TTLL5: variants seen among roughly 807,000 people sequenced by gnomAD.
TTLL5 encodes the protein tubulin tyrosine ligase like 5.
In TTLL5, 132 loss-of-function variants were observed where a neutral mutation model predicts 168.4. The ratio of observed to expected loss-of-function variants is 0.78; its 90% confidence interval spans 0.68 to 0.91. TTLL5 has a LOEUF of 0.91. TTLL5 is among the 40% of genes least tolerant of loss of function. The probability of loss-of-function intolerance (pLI) is 0.00; values close to 1 mark genes in which losing one functional copy is unlikely to be tolerated. For synonymous variants in TTLL5, 546 were observed against 558.6 expected, an observed-to-expected ratio of 0.98 and a Z score of 0.32; for missense variants, 1,545 against 1,581.5, an observed-to-expected ratio of 0.98 and a Z score of 0.39.
At chr14:75,753,096 C>A in intron 18 of TTLL5, 141 bp downstream of exon 18, 2 of 690,220 alleles carry the variant, frequency 2.9e-6, no homozygotes, top group Non-Finnish European at 4.7e-6. Context: ...AGCATGCTAT[C>A]ATGACTCATT....
At chr14:75,936,014 A>C (rs2034424162) in intron 31 of TTLL5, among the ~76,000 whole-genome samples, 1 of 152,224 alleles carries the variant, frequency 6.6e-6, no homozygotes, top group Non-Finnish European at 1.5e-5. Context: ...TTCATGCTCT[A>C]TTCTCTTAAA....
intron 29 of TTLL5, 91 bp from the exon 30 acceptor site, chr14:75,882,594 G>T: frequency 1.3e-5 from 14 of 1,115,352 alleles, no homozygotes; most frequent in South Asian, 1.7e-5. Context: ...TTTTCTTTTT[G>T]CCCCTTGACA....
At chr14:75,662,303 A>G (rs1890784115) in intron 1 of TTLL5, among the ~76,000 whole-genome samples, 1 of 151,662 alleles carries the variant, frequency 6.6e-6, no homozygotes, top group African/African-American at 2.4e-5. Context: ...TAGAGTCTAA[A>G]TAAATGTTGG....
chr14:75,705,741 G>A (rs1886606985), intron 7 of TTLL5, among the ~76,000 whole-genome samples: 1 of 152,186 alleles, frequency 6.6e-6, no homozygotes, highest in Non-Finnish European at 1.5e-5. Context: ...TATTTCTGTT[G>A]CCTTTACTGT....
intron 31 of TTLL5, among the ~76,000 whole-genome samples, chr14:75,936,270 T>G (rs1374756822): frequency 1.3e-5 from 2 of 152,238 alleles, no homozygotes; most frequent in Admixed American, 6.5e-5. Context: ...GTTCCAAGAT[T>G]AATTTTCTAC....
intron 17 of TTLL5, among the ~76,000 whole-genome samples, chr14:75,746,543 T>A (rs1432615445): frequency 1.4e-5 from 2 of 142,060 alleles, no homozygotes; most frequent in Admixed American, 7.7e-5. Flanking sequence ...ATAACTGATT[T>A]CCTCTTTTCT....
intron 15 of TTLL5, among the ~76,000 whole-genome samples, chr14:75,735,899 C>A (rs1169005010): frequency 6.6e-6 from 1 of 152,146 alleles, no homozygotes. Context: ...TTGTCAGTCC[C>A]TGTCTGTTTT....
chr14:75,944,125 T>C (rs1330656826), intron 31 of TTLL5, among the ~76,000 whole-genome samples: 4 of 152,218 alleles, frequency 2.6e-5, no homozygotes, highest in African/African-American at 9.6e-5. Context: ...TTCTGCCTTA[T>C]GCCCCTCAGT....
At chr14:75,889,086 C>T (rs1253576446) in intron 30 of TTLL5, among the ~76,000 whole-genome samples, 2 of 152,060 alleles carry the variant, frequency 1.3e-5, no homozygotes, top group Non-Finnish European at 2.9e-5. Context: ...GAGAACTAGA[C>T]AAAGCTATCA....
intron 7 of TTLL5, among the ~76,000 whole-genome samples, chr14:75,700,847 G>A (rs1244486709): frequency 6.6e-6 from 1 of 152,108 alleles, no homozygotes; most frequent in Non-Finnish European, 1.5e-5. Context: ...TGCTGCCGCT[G>A]ACAGACTTTG....
intron 9 of TTLL5, among the ~76,000 whole-genome samples, chr14:75,716,011 C>G (rs1478436601): frequency 6.6e-6 from 1 of 152,056 alleles, no homozygotes; most frequent in Admixed American, 6.6e-5. Flanking sequence ...ATTCATTGTT[C>G]TTTGAGGGGA....
Position 75,775,575 on chromosome 14 carries a change from A to G in TTLL5, c.2228A>G (p.Glu743Gly). ...VLPSRRLALL[E>G]RRRILAHQLG... ...CCCAGTCGACGATTGGCACTTCTGG[A>G]ACGCAGAAGAATCCTGGCCCACCAG... The change falls in exon 22 of 32, where the codon GAA becomes GGA. Residue 743 changes from glutamate (E) to glycine (G), a missense_variant. Physicochemically the swap from Glu to Gly is moderately conservative, Grantham distance 98. Coordinates refer to ENST00000298832, the MANE Select transcript of TTLL5 (RefSeq NM_015072.5). The G allele has an allele frequency of 6.2e-7, 1 of 1,614,118 alleles. No individual in the cohort carries two copies. The highest frequency in any genetic ancestry group is 2.2e-5 in the East Asian group (1 of 44,874).
intron 5 of TTLL5, among the ~76,000 whole-genome samples, chr14:75,686,339 A>G (rs1885048529): frequency 1.3e-5 from 2 of 152,152 alleles, no homozygotes; most frequent in South Asian, 2.1e-4. Flanking sequence ...TGCCTCTTCT[A>G]TATCCATCTC....
intron 28 of TTLL5, among the ~76,000 whole-genome samples, chr14:75,829,365 T>C (rs892512268): frequency 1.3e-5 from 2 of 152,130 alleles, no homozygotes; most frequent in African/African-American, 4.8e-5. Context: ...TAAACAGTAA[T>C]TAACACATAT....
chr14:75,923,120 AG>A (rs527358202), intron 31 of TTLL5, among the ~76,000 whole-genome samples: 68 of 152,274 alleles, frequency 4.5e-4, no homozygotes, highest in African/African-American at 1.6e-3. Flanking sequence ...TAGTCTTGCT[AG>A]CAGTCTGTCA....
rs764282509 is a variant in TTLL5 at position 75,690,282 on chromosome 14, C to G, written c.462C>G (p.Pro154=). 1 of 1,610,802 alleles carries G rather than the reference C, an allele frequency of 6.2e-7. No homozygotes were observed. The highest frequency in any genetic ancestry group is 1.1e-5 in the South Asian group (1 of 90,294). The change falls in exon 6 of 32, where the codon CCC becomes CCG. Residue 154 remains proline (P), a synonymous_variant. Coordinates refer to ENST00000298832, the MANE Select transcript of TTLL5 (RefSeq NM_015072.5). ...GATTCAAGGCTTTTCACATCCTCCC[C>G]CAGACCTTCCTCCTGCCAGCTGAGT... ...THGFKAFHIL[P]QTFLLPAEYA... is the part of the protein sequence containing the mutation.
At chr14:75,777,333 G>T (rs974976494) in intron 23 of TTLL5, among the ~76,000 whole-genome samples, 1 of 152,152 alleles carries the variant, frequency 6.6e-6, no homozygotes, top group Non-Finnish European at 1.5e-5. Context: ...ACCTACTCAT[G>T]GAGTAGAAAT....
intron 12 of TTLL5, among the ~76,000 whole-genome samples, chr14:75,725,845 A>G (rs905432909): frequency 1.3e-5 from 2 of 152,206 alleles, no homozygotes; most frequent in Non-Finnish European, 2.9e-5. Flanking sequence ...ACCAGATAGC[A>G]TATTGATTTC....
intron 30 of TTLL5, among the ~76,000 whole-genome samples, chr14:75,901,223 A>T (rs1051689050): frequency 6.6e-6 from 1 of 152,228 alleles, no homozygotes; most frequent in Non-Finnish European, 1.5e-5. Context: ...AGTGAATAAG[A>T]CCAATACAAT....
Sources: gnomAD v4.1 joint callset for allele counts (sites outside exome capture counted in the v4.1 genomes callset) on GRCh38, gnomAD v4.1.1 for gene constraint, MANE v1.5 for transcripts, NCBI Gene and HGNC (gene_info 2026-07-23, HGNC 2026-07-21) for gene names.